VAV2: variants seen among roughly 807,000 people sequenced by gnomAD.
VAV2 encodes the protein guanine nucleotide exchange factor VAV2.
Under a neutral mutation model 132.5 loss-of-function variants are expected in VAV2, and 67 were observed. The ratio of observed to expected loss-of-function variants is 0.51; its 90% CI spans 0.42 to 0.62. VAV2 has a LOEUF of 0.62. Ranked by LOEUF, VAV2 falls within the 20% of genes least tolerant of loss-of-function variation. VAV2 has a pLI of 0.00. For missense variants in VAV2, 938 were observed against 1,153.6 expected, an observed-to-expected ratio of 0.81 and a Z score of 2.71; for synonymous variants, 492 against 443.5, an observed-to-expected ratio of 1.11 and a Z score of -1.37.
chr9:133,845,869 T>C (rs1264744733), intron 3 of VAV2, among the ~76,000 whole-genome samples: 5 of 152,178 alleles, frequency 3.3e-5, no homozygotes, highest in South Asian at 2.1e-4. Flanking sequence ...CAACCCTCCA[T>C]TGTGGCATCA....
chr9:133,896,832 C>T (rs865828163), intron 2 of VAV2, among the ~76,000 whole-genome samples: 81 of 152,284 alleles, frequency 5.3e-4, no homozygotes, highest in African/African-American at 1.7e-3. Flanking sequence ...CAGTGGCTCA[C>T]GCCTGTAATC....
chr9:133,818,345 GACAAAGCA>G (rs2131723606), intron 4 of VAV2, among the ~76,000 whole-genome samples: 1 of 142,066 alleles, frequency 7.0e-6, no homozygotes, highest in African/African-American at 2.7e-5. Flanking sequence ...CAGCCTGGGT[GACAAAGCA>G]AGACTCCATC....
At chr9:133,898,217 C>T (rs12379308) in intron 2 of VAV2, among the ~76,000 whole-genome samples, 7,821 of 152,170 alleles carry the variant, frequency 0.051, 286 homozygotes, top group South Asian at 0.095. Context: ...CTAGTGTCAC[C>T]GGCAGCCGAC....
At chr9:133,860,076 G>A (rs960135995) in intron 3 of VAV2, among the ~76,000 whole-genome samples, 1 of 152,156 alleles carries the variant, frequency 6.6e-6, no homozygotes, top group African/African-American at 2.4e-5. Flanking sequence ...GCTGAGGTGG[G>A]CAGATCACCA....
intron 1 of VAV2, among the ~76,000 whole-genome samples, chr9:133,990,461 G>C (rs1399121871): frequency 6.6e-6 from 1 of 152,104 alleles, no homozygotes; most frequent in Non-Finnish European, 1.5e-5. Flanking sequence ...GCTGGGGAGG[G>C]GCAGCCCCCG....
In VAV2 at chr9:133,771,990, A is replaced by T. The variant is rs760375847; in HGVS notation, c.2192T>A (p.Ile731Asn). 1 of 1,603,354 alleles carries T rather than the reference A, an allele frequency of 6.2e-7. No individual in the cohort carries two copies. Among genetic ancestry groups the T allele is most frequent in the Non-Finnish European group, 8.5e-7 (1 of 1,174,708 alleles). ...GCTGTCGAATTTCTTGGCCTCTGTG[A>T]TGTGGATCCAGTTGTCCTTCTCCAC... ...KVVEKDNWIH[I>N]TEAKKFDSLL... is the part of the protein sequence containing the mutation. Residue 731 changes from isoleucine (I) to asparagine (N), a missense_variant, in exon 26 of 30, where the codon ATC becomes AAC. Coordinates refer to ENST00000371850, the MANE Select transcript of VAV2 (RefSeq NM_001134398.2).
At chr9:133,945,501 C>T (rs1841326897) in intron 1 of VAV2, among the ~76,000 whole-genome samples, 1 of 152,236 alleles carries the variant, frequency 6.6e-6, no homozygotes, top group South Asian at 2.1e-4. Flanking sequence ...AATGGAGGCC[C>T]CAGAAGGCAG....
intron 1 of VAV2, among the ~76,000 whole-genome samples, chr9:133,941,037 G>A (rs1841129386): frequency 6.6e-6 from 1 of 151,678 alleles, no homozygotes; most frequent in South Asian, 2.1e-4. Context: ...AGAACTTTCT[G>A]GAATGACAGG....
rs1280543505 is a variant in VAV2 at position 133,826,283 on chromosome 9, C to T, written c.449+7989G>A. Among the ~76,000 whole-genome samples the T allele has an allele frequency of 6.6e-6, 1 of 152,208 alleles. No homozygotes were observed. Among genetic ancestry groups the T allele is most frequent in the Non-Finnish European group, 1.5e-5 (1 of 68,044 alleles). On this transcript the variant is annotated intron_variant, in intron 4 of 29. Transcript: ENST00000371850. This position sits in a 1 kb window ranked among gnomAD's most constrained non-coding sequence, Gnocchi z 4.2. ...TAGACCTTGGGCCCTGGTGACCCGC[C>T]ACACTAAAGCAGCCAGCAGCTGCAG...
At position 133,890,713 on chromosome 9, in the gene VAV2, C is replaced by T. The variant is rs867949806; in HGVS notation, c.322-29281G>A. 3.3e-5 allele frequency among the ~76,000 whole-genome samples: 5 copies of T among 152,214 alleles called. No individual in the cohort carries two copies. In the South Asian group the frequency reaches 1.0e-3, roughly 32 times the overall value. On this transcript the variant is annotated intron_variant, in intron 2 of 29. Coordinates refer to ENST00000371850, the MANE Select transcript of VAV2 (RefSeq NM_001134398.2). ...GGGTCATGCACTTAAAAGGAAACAG[C>T]TGCCTCCCCTGCTTCTTTCCTGCTG...
At chr9:133,895,012 G>A (rs1230573904) in intron 2 of VAV2, among the ~76,000 whole-genome samples, 3 of 151,998 alleles carry the variant, frequency 2.0e-5, no homozygotes, top group African/African-American at 4.8e-5. Flanking sequence ...TTGATGTTCT[G>A]AAGATCGCGT....
intron 2 of VAV2, among the ~76,000 whole-genome samples, chr9:133,925,233 C>T (rs1022357751): frequency 4.6e-5 from 7 of 152,166 alleles, no homozygotes; most frequent in Admixed American, 1.3e-4. Flanking sequence ...TTCCCCCCAC[C>T]GGAGACAGGG....
In VAV2 at chr9:133,918,286, G is replaced by A. The variant is rs896237650; in HGVS notation, c.321+20817C>T. 1.3e-5 allele frequency among the ~76,000 whole-genome samples: 2 copies of A among 152,176 alleles called. No individual in the cohort carries two copies. The highest frequency in any genetic ancestry group is 4.8e-5 in the African/African-American group (2 of 41,444). Reference sequence around the variant, plus strand: ...ACAAAGGAGCGCACTCTCTGCGGCGGCAGAAAAGCGAACCAGAGAGCAGGA... The same window carrying A: ...ACAAAGGAGCGCACTCTCTGCGGCGACAGAAAAGCGAACCAGAGAGCAGGA... On this transcript the variant is annotated intron_variant, in intron 2 of 29. Transcript: ENST00000371850. The surrounding 1 kb of genome is among the most constrained non-coding windows in gnomAD (Gnocchi z 4.7).
chr9:133,913,245 G>A (rs926114759), intron 2 of VAV2, among the ~76,000 whole-genome samples: 5 of 152,124 alleles, frequency 3.3e-5, no homozygotes, highest in African/African-American at 4.8e-5. Flanking sequence ...CATAGCTGGC[G>A]CCACGGCCCC....
intron 4 of VAV2, among the ~76,000 whole-genome samples, chr9:133,832,273 G>C (rs1836292382): frequency 6.6e-6 from 1 of 152,248 alleles, no homozygotes. Context: ...CACACAGTGG[G>C]AGACACCTTG....
At chr9:133,777,161 G>A (rs1253279604) in intron 23 of VAV2, among the ~76,000 whole-genome samples, 3 of 152,042 alleles carry the variant, frequency 2.0e-5, no homozygotes, top group East Asian at 1.9e-4. Flanking sequence ...AAACCACAAC[G>A]AAACGACACC....
chr9:133,968,592 G>A (rs1176980136), intron 1 of VAV2, among the ~76,000 whole-genome samples: 2 of 152,052 alleles, frequency 1.3e-5, no homozygotes, highest in Non-Finnish European at 2.9e-5. Flanking sequence ...GGACAGAGCT[G>A]CCGGTCCTCT....
chr9:133,767,944 A>C (rs1833490167), intron 29 of VAV2, among the ~76,000 whole-genome samples: 1 of 152,166 alleles, frequency 6.6e-6, no homozygotes, highest in African/African-American at 2.4e-5. Context: ...GGGCACTCTT[A>C]GGCCCACCTG....
chr9:133,796,573 A>T, intron 10 of VAV2, 49 bp from the exon 11 acceptor site: 1 of 1,558,120 alleles, frequency 6.4e-7, no homozygotes. Flanking sequence ...GGAAAGCCTG[A>T]ACCCACCCAC....
Sources: allele counts gnomAD v4.1 joint callset (sites outside exome capture counted in the v4.1 genomes callset), GRCh38; gene constraint gnomAD v4.1.1; non-coding constraint Gnocchi (gnomAD v3.1); transcripts MANE v1.5; gene names NCBI Gene and HGNC (gene_info 2026-07-23, HGNC 2026-07-21).